Variants in B3GALT5 observed in about 807,000 individuals in gnomAD.
B3GALT5 encodes the protein beta-1,3-galactosyltransferase 5.
For missense variants in B3GALT5, 328 were observed against 396.6 expected (o/e 0.83, Z 1.47); for synonymous variants, 156 against 158.6 (o/e 0.98, Z 0.12).
At chr21:39,652,164 G>A (rs947632244) in intron 2 of B3GALT5, among the ~76,000 whole-genome samples, 1 of 152,192 alleles carries the variant, frequency 6.6e-6, no homozygotes, top group Non-Finnish European at 1.5e-5. Context: ...CTCACTGCAG[G>A]TGCCAGCGGG....
Position 39,618,540 on chromosome 21 carries a change from G to A in B3GALT5, c.-392+5473G>A, listed in dbSNP as rs916673865. Among the ~76,000 whole-genome samples, 62 of 152,100 alleles carry A rather than the reference G, an allele frequency of 4.1e-4. 2 individuals are homozygous for A. The highest frequency in any genetic ancestry group is 1.5e-5 in the Non-Finnish European group (1 of 68,012). On this transcript the variant is annotated intron_variant, in intron 1 of 3. Transcript: ENST00000684187. ...TTTAAGATGCATTTTCCTGATTCTA[G>A]TAAAACTAATCATCTGTTTGTATAT... is the stretch of plus-strand genomic sequence containing the variant.
At chr21:39,656,709 C>T (rs1168590879) in intron 2 of B3GALT5, among the ~76,000 whole-genome samples, 1 of 152,200 alleles carries the variant, frequency 6.6e-6, no homozygotes, top group Non-Finnish European at 1.5e-5. Context: ...GCCCTGTAGC[C>T]TCAGGTCAGG....
At chr21:39,654,901 T>G (rs1163922011) in intron 2 of B3GALT5, among the ~76,000 whole-genome samples, 1 of 152,248 alleles carries the variant, frequency 6.6e-6, no homozygotes, top group Non-Finnish European at 1.5e-5. Context: ...TAGACTCCAG[T>G]ATATTGTAAA....
chr21:39,669,259 T>C lies in B3GALT5; in HGVS notation c.*7767T>C, dbSNP rs2079606487. ...TGGAGCTGGAAGATGCCTTAGAAAT[T>C]ATCTACAGTATTTTTTTTTTTAAGA... On this transcript the variant is annotated 3_prime_UTR_variant, in exon 4 of 4. Coordinates refer to ENST00000684187, the MANE Select transcript of B3GALT5 (RefSeq NM_001356336.2). 1 of 151,306 alleles carries C rather than the reference T, an allele frequency of 6.6e-6. No individual in the cohort carries two copies. Among genetic ancestry groups the C allele is most frequent in the South Asian group, 2.1e-4 (1 of 4,830 alleles). The allele number at this position is 151,306 out of a possible 1,614,324, so 9.4% of individuals were successfully genotyped here.
intron 2 of B3GALT5, chr21:39,657,632 A>G (rs902833931): frequency 3.7e-5 from 13 of 349,178 alleles, no homozygotes; most frequent in African/African-American, 1.9e-4. Context: ...ACGCTAGCCA[A>G]TTCTTCTAAG....
intron 1 of B3GALT5, among the ~76,000 whole-genome samples, chr21:39,643,625 G>T (rs995091785): frequency 6.6e-6 from 1 of 152,162 alleles, no homozygotes; most frequent in Admixed American, 6.5e-5. Context: ...GAAAAGAAGT[G>T]TACCCACATT....
At chr21:39,638,354 C>T (rs968751382) in intron 1 of B3GALT5, among the ~76,000 whole-genome samples, 12 of 152,258 alleles carry the variant, frequency 7.9e-5, no homozygotes, top group East Asian at 1.9e-4. Context: ...GGCGGCTGGA[C>T]GTCAAGAGAA....
At chr21:39,635,224 G>T (rs4818062) in intron 1 of B3GALT5, among the ~76,000 whole-genome samples, 1,865 of 152,168 alleles carry the variant, frequency 0.012, 16 homozygotes, top group Non-Finnish European at 0.016. Context: ...TTTTGTTAGT[G>T]TTGGGAGGTA....
intron 1 of B3GALT5, among the ~76,000 whole-genome samples, chr21:39,614,021 A>G (rs1193611492): frequency 6.6e-6 from 1 of 152,204 alleles, no homozygotes; most frequent in Non-Finnish European, 1.5e-5. Context: ...TTTAATGAAG[A>G]TACAGATCTG....
chr21:39,629,151 T>A (rs1370433650), intron 1 of B3GALT5, among the ~76,000 whole-genome samples: 1 of 152,028 alleles, frequency 6.6e-6, no homozygotes, highest in Non-Finnish European at 1.5e-5. Flanking sequence ...AGTAGCTGGG[T>A]CTACAGGCCC....
chr21:39,655,179 T>G (rs1412497052), intron 2 of B3GALT5, among the ~76,000 whole-genome samples: 2 of 152,158 alleles, frequency 1.3e-5, no homozygotes, highest in Non-Finnish European at 2.9e-5. Context: ...GCTGGCAAGC[T>G]CTGGACCCAG....
chr21:39,629,436 G>A (rs1225150785), intron 1 of B3GALT5, among the ~76,000 whole-genome samples: 4 of 152,164 alleles, frequency 2.6e-5, no homozygotes, highest in Non-Finnish European at 4.4e-5. Flanking sequence ...TAGAGTGTGA[G>A]TGCATAGTGC....
rs1442537266 is a variant in B3GALT5, at chr21:39,669,390, C to T, written c.*7898C>T. ...AGGATTAAAAGCTGGCATCAGAAAT[C>T]CCATGTCAGACATTCATTCGTTTAT... On this transcript the variant is annotated 3_prime_UTR_variant, in exon 4 of 4. Transcript: ENST00000684187. 1 of 152,114 alleles carries T rather than the reference C, an allele frequency of 6.6e-6. No homozygotes were observed. Among genetic ancestry groups the T allele is most frequent in the Non-Finnish European group, 1.5e-5 (1 of 68,028 alleles). The allele number at this position is 152,114 out of a possible 1,614,324, so 9.4% of individuals were successfully genotyped here.
intron 2 of B3GALT5, chr21:39,657,689 C>A: frequency 2.5e-6 from 1 of 403,720 alleles, no homozygotes; most frequent in Non-Finnish European, 4.3e-6. Flanking sequence ...ATCTGTCTAC[C>A]TACCGACTTA....
In B3GALT5 at chr21:39,661,577, G is replaced by T; in HGVS notation, c.*85G>T. 7.8e-7 allele frequency: 1 copy of T among 1,289,344 alleles called. No homozygotes were observed. The allele number at this position is 1,289,344 out of a possible 1,614,324, so 79.9% of individuals were successfully genotyped here. A position where few individuals can be genotyped will look rare whatever the true frequency, so the allele number is the denominator to read the frequency against. ...AGATTTTGGAAGAGGGGGCGGGACA[G>T]AGGATGCTGTTCTTCAGTGCTGAAA... is the stretch of plus-strand genomic sequence containing the variant. On this transcript the variant is annotated 3_prime_UTR_variant, in exon 4 of 4. Transcript: ENST00000684187. The surrounding 1 kb of genome is among the most constrained non-coding windows in gnomAD (Gnocchi z 4.7).
intron 2 of B3GALT5, among the ~76,000 whole-genome samples, chr21:39,658,495 GT>G: frequency 6.6e-6 from 1 of 152,212 alleles, no homozygotes; most frequent in African/African-American, 2.4e-5. Flanking sequence ...TGGTTTTTAT[GT>G]TTCTCTCTAA....
chr21:39,651,794 G>C (rs2146209525), intron 2 of B3GALT5, among the ~76,000 whole-genome samples: 1 of 152,164 alleles, frequency 6.6e-6, no homozygotes, highest in East Asian at 1.9e-4. Context: ...ATCAGATCTA[G>C]AGCTGGAAAT....
chr21:39,625,188 G>T (rs994716578), intron 1 of B3GALT5, among the ~76,000 whole-genome samples: 10 of 152,316 alleles, frequency 6.6e-5, no homozygotes, highest in South Asian at 2.1e-4. Flanking sequence ...AAAGCCAGGG[G>T]GTTTGTCGCA....
chr21:39,647,574 CCTGAGCTCAAGCGATCCA>C (rs1194617678), intron 2 of B3GALT5, among the ~76,000 whole-genome samples: 1 of 151,828 alleles, frequency 6.6e-6, no homozygotes, highest in Non-Finnish European at 1.5e-5. Flanking sequence ...GTCTTTAACT[CCTGAGCTCAAGCGATCCA>C]CTGACTTCAG....
Sources: allele counts gnomAD v4.1 joint callset (sites outside exome capture counted in the v4.1 genomes callset), GRCh38; gene constraint gnomAD v4.1.1; non-coding constraint Gnocchi (gnomAD v3.1); transcripts MANE v1.5; gene names NCBI Gene and HGNC (gene_info 2026-07-23, HGNC 2026-07-21).